RABEPK: variants seen among roughly 807,000 people sequenced by gnomAD.
RABEPK encodes Rab9 effector protein with kelch motifs.
RABEPK carries 27 observed loss-of-function variants against 34.1 expected under a neutral mutation model. That is an observed-to-expected ratio of 0.79 (90% CI 0.58 to 1.09). The LOEUF is 1.09. Ranked by LOEUF, RABEPK falls within the 50% of genes least tolerant of loss-of-function variation. RABEPK has a pLI of 0.00. For missense variants in RABEPK, 449 were observed against 462.6 expected (o/e 0.97, Z 0.27); for synonymous variants, 172 against 169.2 (o/e 1.02, Z -0.13).
rs557542955 is a variant in RABEPK, at chr9:125,220,842, T to C, written c.526+142T>C. 3,138 of 1,118,020 alleles carry C rather than the reference T, an allele frequency of 2.8e-3. 7 individuals are homozygous for C. Among genetic ancestry groups the C allele is most frequent in the Non-Finnish European group, 3.3e-3 (2,787 of 831,950 alleles). 69.3% of individuals were successfully genotyped at this position (1,118,020 alleles called of 1,614,324 possible). A position where few individuals can be genotyped will look rare whatever the true frequency, so the allele number is the denominator to read the frequency against. ...TCTTTGTTATATCTCTTAGCTGATA[T>C]CTTTTTCCCACAGCAAAATTGGCAT... On this transcript the variant is annotated intron_variant, in intron 5 of 7. Transcript: ENST00000373538.
At chr9:125,209,872 G>A (rs143650475) in intron 3 of RABEPK, among the ~76,000 whole-genome samples, 109 of 152,164 alleles carry the variant, frequency 7.2e-4, no homozygotes, top group African/African-American at 2.4e-3. Context: ...CTCTGGACTC[G>A]TTCAGGCACT....
chr9:125,226,506 C>T (rs1380287660), intron 5 of RABEPK, among the ~76,000 whole-genome samples: 4 of 151,964 alleles, frequency 2.6e-5, no homozygotes, highest in East Asian at 3.9e-4. Flanking sequence ...GGGCAGATTG[C>T]CTGAGCTCAG....
At chr9:125,203,390 A>G (rs1295600702) in intron 2 of RABEPK, among the ~76,000 whole-genome samples, 1 of 152,180 alleles carries the variant, frequency 6.6e-6, no homozygotes, top group Non-Finnish European at 1.5e-5. Context: ...GATTTGGATT[A>G]AACTGGCTTC....
chr9:125,217,095 G>A (rs1294474267), intron 4 of RABEPK, among the ~76,000 whole-genome samples: 1 of 152,134 alleles, frequency 6.6e-6, no homozygotes, highest in African/African-American at 2.4e-5. Flanking sequence ...GAGGGTCTCT[G>A]TTTTGCTATG....
intron 4 of RABEPK, among the ~76,000 whole-genome samples, chr9:125,214,185 G>C (rs1047752859): frequency 9.2e-5 from 14 of 152,022 alleles, no homozygotes; most frequent in African/African-American, 3.4e-4. Flanking sequence ...GTCAGTGACT[G>C]AGCCAGGCTT....
At chr9:125,216,629 T>A (rs1830942816) in intron 4 of RABEPK, among the ~76,000 whole-genome samples, 1 of 152,060 alleles carries the variant, frequency 6.6e-6, no homozygotes, top group African/African-American at 2.4e-5. Flanking sequence ...GAAGAGTTTG[T>A]TTATTGTTGA....
intron 5 of RABEPK, chr9:125,220,915 C>G: frequency 1.9e-6 from 1 of 539,354 alleles, no homozygotes; most frequent in South Asian, 4.1e-5. Context: ...ACCTGTAATC[C>G]CAGAGCTTTG....
chr9:125,203,214 G>GTT (rs1300558463), intron 2 of RABEPK, 148 bp downstream of exon 2: 8 of 633,822 alleles, frequency 1.3e-5, no homozygotes, highest in Non-Finnish European at 1.1e-5. Context: ...GTCTGAGAAA[G>GTT]TCTTCAGAGG....
chr9:125,229,117 G>C (rs1436722730), intron 6 of RABEPK, among the ~76,000 whole-genome samples: 1 of 151,764 alleles, frequency 6.6e-6, no homozygotes, highest in African/African-American at 2.4e-5. Flanking sequence ...AGCCAGGCGT[G>C]GTGGTGCATG....
intron 4 of RABEPK, among the ~76,000 whole-genome samples, chr9:125,216,386 T>C (rs1830926622): frequency 1.3e-5 from 2 of 152,076 alleles, no homozygotes; most frequent in South Asian, 4.1e-4. Context: ...CTACTACATT[T>C]GTTGAGTATT....
intron 2 of RABEPK, among the ~76,000 whole-genome samples, chr9:125,205,283 A>G (rs927141317): frequency 2.0e-5 from 3 of 152,102 alleles, no homozygotes; most frequent in Admixed American, 1.3e-4. Context: ...TTCTACCACA[A>G]TTGAAGTGAA....
Position 125,200,691 on chromosome 9 carries a change from A to G in RABEPK, c.-222A>G, listed in dbSNP as rs1286101038. ...GGGGAGTGGGCCCAAGCCGGGTGCA[A>G]AGAACGGGGAAGGGCCTTCCCTGGC... On this transcript the variant is annotated 5_prime_UTR_variant, in exon 1 of 8. Transcript: ENST00000373538. 2.1e-6 allele frequency: 1 copy of G among 471,206 alleles called. No homozygotes were observed. The highest frequency in any genetic ancestry group is 1.5e-5 in the South Asian group (1 of 64,576). The allele number at this position is 471,206 out of a possible 1,614,324, so 29.2% of individuals were successfully genotyped here.
chr9:125,228,298 C>G (rs1831914243), intron 6 of RABEPK, among the ~76,000 whole-genome samples: 1 of 151,950 alleles, frequency 6.6e-6, no homozygotes, highest in South Asian at 2.1e-4. Flanking sequence ...GGGGTCTCAC[C>G]ATGTTGCCCA....
At chr9:125,226,664 G>A (rs971752961) in intron 5 of RABEPK, among the ~76,000 whole-genome samples, 1 of 151,914 alleles carries the variant, frequency 6.6e-6, no homozygotes, top group Non-Finnish European at 1.5e-5. Flanking sequence ...AAGAGATCAA[G>A]ACCAGTCTGG....
intron 2 of RABEPK, among the ~76,000 whole-genome samples, chr9:125,205,958 G>A (rs759750338): frequency 6.6e-6 from 1 of 151,996 alleles, no homozygotes; most frequent in Non-Finnish European, 1.5e-5. Context: ...TGAGAATGAC[G>A]GAGAGTCAGG....
intron 6 of RABEPK, among the ~76,000 whole-genome samples, chr9:125,230,824 T>C (rs186984927): frequency 2.0e-5 from 3 of 151,446 alleles, no homozygotes; most frequent in Non-Finnish European, 4.4e-5. Flanking sequence ...TGTGAGCCAC[T>C]GCGCCCGGCC....
At chr9:125,218,478 GAAGAC>G (rs1222089013) in intron 4 of RABEPK, among the ~76,000 whole-genome samples, 1 of 152,186 alleles carries the variant, frequency 6.6e-6, no homozygotes, top group East Asian at 1.9e-4. Context: ...AAGCTTGAGT[GAAGAC>G]ACCAGGGATG....
rs917932619 is a variant in RABEPK at position 125,200,679 on chromosome 9, A to C, written c.-234A>C. 2.1e-6 allele frequency: 1 copy of C among 471,094 alleles called. No homozygotes were observed. Among genetic ancestry groups the C allele is most frequent in the African/African-American group, 2.0e-5 (1 of 50,094 alleles). 29.2% of individuals were successfully genotyped at this position (471,094 alleles called of 1,614,324 possible). A position where few individuals can be genotyped will look rare whatever the true frequency, so the allele number is the denominator to read the frequency against. On this transcript the variant is annotated 5_prime_UTR_variant, in exon 1 of 8. Transcript: ENST00000373538. Reference sequence around the variant, plus strand: ...CTGAATCTTTTAGGGGAGTGGGCCCAAGCCGGGTGCAAAGAACGGGGAAGG... The same window carrying C: ...CTGAATCTTTTAGGGGAGTGGGCCCCAGCCGGGTGCAAAGAACGGGGAAGG...
chr9:125,201,493 T>G (rs1041834174), intron 1 of RABEPK, among the ~76,000 whole-genome samples: 2 of 152,212 alleles, frequency 1.3e-5, no homozygotes, highest in African/African-American at 4.8e-5. Context: ...ATTTTGTCCT[T>G]TGAGCGGAGA....
Sources: allele counts gnomAD v4.1 joint callset (sites outside exome capture counted in the v4.1 genomes callset), GRCh38; gene constraint gnomAD v4.1.1; transcripts MANE v1.5; gene names NCBI Gene and HGNC (gene_info 2026-07-23, HGNC 2026-07-21).